The following ZSCAN18 variants were observed in gnomAD, a reference collection of about 807,000 sequenced individuals.
The protein encoded by ZSCAN18 is zinc finger and SCAN domain-containing protein 18.
Under a neutral mutation model 31.1 loss-of-function variants are expected in ZSCAN18, and 16 were observed. The ratio of observed to expected loss-of-function variants is 0.51; its 90% CI spans 0.35 to 0.78. ZSCAN18 has a LOEUF of 0.78. ZSCAN18 is among the 30% of genes least tolerant of loss of function. The pLI, the probability that ZSCAN18 is intolerant of heterozygous loss-of-function variation, is 0.01. For missense variants in ZSCAN18, 731 were observed against 697.4 expected, an observed-to-expected ratio of 1.05 and a Z score of -0.54; for synonymous variants, 375 against 320.7, an observed-to-expected ratio of 1.17 and a Z score of -1.81.
At chr19:58,103,108 C>T (rs1392325751), upstream of ZSCAN18, among the ~76,000 whole-genome samples, 1 of 147,226 alleles carries the variant, frequency 6.8e-6, no homozygotes, top group Non-Finnish European at 1.5e-5. Flanking sequence ...GGTGACACAG[C>T]GAGACTCTCT....
At position 58,090,454 on chromosome 19, in the gene ZSCAN18, G is replaced by T; in HGVS notation, c.-119-68C>A. 7.2e-7 allele frequency: 1 copy of T among 1,383,688 alleles called. No individual in the cohort carries two copies. Among genetic ancestry groups the T allele is most frequent in the Non-Finnish European group, 9.6e-7 (1 of 1,039,130 alleles). The allele number at this position is 1,383,688 out of a possible 1,614,324, so 85.7% of individuals were successfully genotyped here. On this transcript the variant is annotated intron_variant, in intron 1 of 6. Transcript: ENST00000601144. The surrounding 1 kb of genome is among the most constrained non-coding windows in gnomAD (Gnocchi z 4.7). ...GGGCGCAGCCACCCCAGCTGCCAGA[G>T]AACAAAGACACCACACCCAGAGTTC...
At chr19:58,113,229 T>C (rs1371213828) in intron 1 of ZSCAN18, among the ~76,000 whole-genome samples, 3 of 151,130 alleles carry the variant, frequency 2.0e-5, no homozygotes, top group Non-Finnish European at 4.4e-5. Context: ...GGCACGAGAA[T>C]GGCGTGAACC....
chr19:58,105,154 C>T (rs1040148916), intron 1 of ZSCAN18, among the ~76,000 whole-genome samples: 3 of 152,138 alleles, frequency 2.0e-5, no homozygotes, highest in Non-Finnish European at 2.9e-5. Flanking sequence ...GATGACAGTA[C>T]GTGTTTACAG....
At chr19:58,095,400 C>A (rs1324465377) in intron 1 of ZSCAN18, among the ~76,000 whole-genome samples, 1 of 152,172 alleles carries the variant, frequency 6.6e-6, no homozygotes, top group Non-Finnish European at 1.5e-5. Flanking sequence ...AATAGAGGCA[C>A]GAGGCAGGCA....
chr19:58,110,882 T>C (rs1186059531), intron 1 of ZSCAN18, among the ~76,000 whole-genome samples: 1 of 152,136 alleles, frequency 6.6e-6, no homozygotes, highest in East Asian at 1.9e-4. Context: ...ACATACCCAT[T>C]TTTAGGCCAG....
chr19:58,105,503 T>C (rs1386692067), intron 1 of ZSCAN18, among the ~76,000 whole-genome samples: 2 of 151,542 alleles, frequency 1.3e-5, no homozygotes, highest in East Asian at 1.9e-4. Context: ...CTACTAAAAA[T>C]ACAAAAAATT....
Position 58,117,465 on chromosome 19 carries a change from G to A in ZSCAN18, c.130+802C>T, listed in dbSNP as rs145455916. On this transcript the variant is annotated intron_variant, in intron 1 of 1. Transcript: ENST00000595721. ...TGTTCACAGTGGGTAGGAAGGGGAAGGAACACACAACCCTAAAGGGGCAGA... is the reference window on the plus strand; with the variant it reads ...TGTTCACAGTGGGTAGGAAGGGGAAAGAACACACAACCCTAAAGGGGCAGA... 9.9e-5 allele frequency among the ~76,000 whole-genome samples: 15 copies of A among 152,154 alleles called. No individual in the cohort carries two copies. The East Asian group carries it at 2.9e-3, about 29-fold the overall frequency.
intron 1 of ZSCAN18, chr19:58,107,794 C>A: frequency 1.0e-6 from 1 of 992,884 alleles, no homozygotes; most frequent in Non-Finnish European, 1.2e-6. Flanking sequence ...TGGTTTCTAG[C>A]GAGAGCACAG....
chr19:58,103,146 G>T (rs2074608642), upstream of ZSCAN18, among the ~76,000 whole-genome samples: 1 of 151,646 alleles, frequency 6.6e-6, no homozygotes, highest in Admixed American at 6.6e-5. Flanking sequence ...AATAAAAAAA[G>T]GCTGCCAATT....
chr19:58,112,950 CAA>C (rs55721042), intron 1 of ZSCAN18, among the ~76,000 whole-genome samples: 7 of 69,484 alleles, frequency 1.0e-4, no homozygotes, highest in African/African-American at 2.3e-4. Context: ...GGCTCCGTTT[CAA>C]AAAAAAAAAA....
chr19:58,096,451 C>T (rs180981403), intron 1 of ZSCAN18, among the ~76,000 whole-genome samples: 8 of 152,322 alleles, frequency 5.3e-5, no homozygotes, highest in Admixed American at 5.2e-4. Context: ...CTTTGCTGCA[C>T]CCAGAGGCCT....
chr19:58,102,490 A>AAACC (rs1361750496), upstream of ZSCAN18, among the ~76,000 whole-genome samples: 80 of 148,294 alleles, frequency 5.4e-4, no homozygotes, highest in South Asian at 4.2e-4. Context: ...ACAAACAAAC[A>AAACC]AACCATATAC....
exon 1 of ZSCAN18, chr19:58,118,350 C>T: frequency 6.5e-7 from 1 of 1,533,584 alleles, no homozygotes. Context: ...GAACTCACTT[C>T]CCGCCGCCGT....
intron 6 of ZSCAN18, 77 bp from the exon 7 acceptor site, chr19:58,085,456 GCC>G: frequency 7.6e-7 from 1 of 1,314,492 alleles, no homozygotes; most frequent in East Asian, 2.6e-5. Context: ...AGCCTCAGCT[GCC>G]GGAACAGCGC....
At chr19:58,098,658 G>C (rs891726240), upstream of ZSCAN18, among the ~76,000 whole-genome samples, 3 of 152,178 alleles carry the variant, frequency 2.0e-5, no homozygotes, top group South Asian at 6.2e-4. Context: ...AGAAAGGAGG[G>C]AGACCAGCCC....
intron 5 of ZSCAN18, 69 bp from the exon 6 acceptor site, chr19:58,086,335 G>C (rs916054700): frequency 6.9e-7 from 1 of 1,450,500 alleles, no homozygotes; most frequent in East Asian, 2.3e-5. Flanking sequence ...GTTGTGTGTC[G>C]TGGGCCAGCC....
upstream of ZSCAN18, among the ~76,000 whole-genome samples, chr19:58,098,556 A>G (rs984133677): frequency 6.6e-6 from 1 of 152,238 alleles, no homozygotes; most frequent in Admixed American, 6.5e-5. Context: ...GAAGGCCCAC[A>G]GACGCTCGGG....
intron 1 of ZSCAN18, among the ~76,000 whole-genome samples, chr19:58,105,324 A>G (rs145726962): frequency 0.021 from 3,180 of 152,310 alleles, 98 homozygotes; most frequent in Admixed American, 0.072. Flanking sequence ...TCTGCAGCCC[A>G]TGGACCAAGG....
upstream of ZSCAN18, among the ~76,000 whole-genome samples, chr19:58,101,813 C>T (rs932029185): frequency 6.6e-6 from 1 of 151,990 alleles, no homozygotes; most frequent in Non-Finnish European, 1.5e-5. Flanking sequence ...AGCCACCGCA[C>T]CCAGCCTTTT....
Sources: gnomAD v4.1 joint callset for allele counts (sites outside exome capture counted in the v4.1 genomes callset) on GRCh38, gnomAD v4.1.1 for gene constraint, Gnocchi (gnomAD v3.1) non-coding constraint, MANE v1.5 for transcripts, NCBI Gene and HGNC (gene_info 2026-07-23, HGNC 2026-07-21) for gene names.